Variants in CIC observed in about 807,000 individuals in gnomAD.
CIC encodes the protein capicua transcriptional repressor.
A neutral mutation model predicts 115.7 loss-of-function variants in CIC; 18 were observed. That is an observed-to-expected ratio of 0.16 (90% CI 0.11 to 0.23). The LOEUF is 0.23. Ranked by LOEUF, CIC falls within the 10% of genes least tolerant of loss-of-function variation. The pLI is 1.00. For missense variants in CIC, 2,000 were observed against 2,159.3 expected (o/e 0.93, Z 1.46); for synonymous variants, 1,076 against 923.0 (o/e 1.17, Z -3.01).
At chr19:42,283,240 A>T (rs530042226) in intron 2 of CIC, among the ~76,000 whole-genome samples, 1 of 151,886 alleles carries the variant, frequency 6.6e-6, no homozygotes, top group Non-Finnish European at 1.5e-5. Context: ...TGTGTAGTGG[A>T]CAAGCAGGGC....
rs774866237 is a variant in CIC, at chr19:42,290,882, C to A, written c.4841C>A (p.Ala1614Glu). ...GRAEASPNDT[A>E]GARTEMGTGS... ...GCTGAGGCGTCTCCAAATGACACAG[C>A]AGGTGCCAGGACTGAAATGGGCACT... is the stretch of plus-strand genomic sequence containing the variant. Residue 1614 changes from alanine (A) to glutamate (E), a missense_variant, in exon 11 of 21, where the codon GCA becomes GAA. Transcript: ENST00000681038. The A allele has an allele frequency of 6.2e-7, 1 of 1,613,210 alleles. No homozygotes were observed. Among genetic ancestry groups the A allele is most frequent in the Non-Finnish European group, 8.5e-7 (1 of 1,179,898 alleles).
rs754250317 is a variant in CIC at position 42,291,418 on chromosome 19, C to A, written c.5377C>A (p.Pro1793Thr). The change falls in exon 11 of 21, where the codon CCT becomes ACT. Residue 1793 changes from proline to threonine, a missense_variant. This residue lies in a region of CIC where 1,466 missense variants were observed against 1,390.4 expected (regional missense o/e 1.05). Coordinates refer to ENST00000681038, the MANE Select transcript of CIC (RefSeq NM_001386298.1). ...GKVLAATAPTPGIPILQSVPS... is the reference protein window; with the variant it reads ...GKVLAATAPTTGIPILQSVPS... ...AGTCCTGGCTGCCACTGCACCCACT[C>A]CTGGCATCCCCATCCTGCAGTCTGT... 7.4e-6 allele frequency: 12 copies of A among 1,612,992 alleles called. No homozygotes were observed. The highest frequency in any genetic ancestry group is 1.0e-5 in the Non-Finnish European group (12 of 1,179,980).
At chr19:42,281,099 C>T (rs1232644516) in intron 2 of CIC, among the ~76,000 whole-genome samples, 3 of 151,374 alleles carry the variant, frequency 2.0e-5, no homozygotes, top group Admixed American at 6.6e-5. Context: ...TGGGCTCGTT[C>T]CCCAGGCAAC....
At chr19:42,293,409 C>A in intron 16 of CIC, 128 bp downstream of exon 16, 1 of 1,342,414 alleles carries the variant, frequency 7.4e-7, no homozygotes, top group Non-Finnish European at 1.0e-6. Context: ...TCCCCTCTGT[C>A]CCTTCTGCCT....
chr19:42,288,865 T>C lies in CIC; in HGVS notation c.3659-23T>C, dbSNP rs780758433. 3.7e-6 allele frequency: 6 copies of C among 1,610,180 alleles called. No homozygotes were observed. The South Asian group carries it at 4.4e-5, about 12-fold the overall frequency. ...CTGGTGACAGGCTTACTGACTGTCATAGCGCCACTCTCTACTTTACAGTGT... is the reference window on the plus strand; with the variant it reads ...CTGGTGACAGGCTTACTGACTGTCACAGCGCCACTCTCTACTTTACAGTGT... On this transcript the variant is annotated intron_variant, in intron 7 of 20. Transcript: ENST00000681038.
chr19:42,293,648 G>T lies in CIC; in HGVS notation c.6579G>T (p.Glu2193Asp). 1 of 1,613,168 alleles carries T rather than the reference G, an allele frequency of 6.2e-7. No individual in the cohort carries two copies. The highest frequency in any genetic ancestry group is 8.5e-7 in the Non-Finnish European group (1 of 1,179,870). ...SDWRVPGQGLENRGEPPTPPS... is the reference protein window; with the variant it reads ...SDWRVPGQGLDNRGEPPTPPS... Reference sequence around the variant, plus strand: ...GGCGCGTCCCTGGGCAGGGCCTGGAGAATCGTGGGGAGCCTCCCACTCCTC... The same window carrying T: ...GGCGCGTCCCTGGGCAGGGCCTGGATAATCGTGGGGAGCCTCCCACTCCTC... The change falls in exon 17 of 21, where the codon GAG (glutamate) becomes GAT (aspartate). Residue 2193 changes from glutamate to aspartate, a missense_variant. Coordinates refer to ENST00000681038, the MANE Select transcript of CIC (RefSeq NM_001386298.1).
rs2147318327 is a variant in CIC, at chr19:42,293,025, T to G, written c.6266T>G (p.Val2089Gly). Residue 2089 changes from valine (V) to glycine (G), a missense_variant, in exon 16 of 21, where the codon GTG becomes GGG. Val to Gly is a moderately radical substitution (Grantham distance 109, BLOSUM62 -3). Around this residue, in one of 8 missense-constraint regions of CIC, gnomAD observed 1,466 missense variants for 1,390.4 expected, o/e 1.05. Coordinates refer to ENST00000681038, the MANE Select transcript of CIC (RefSeq NM_001386298.1). The stretch of plus-strand genomic sequence containing the variant: ...CCCAGCCCGAAGGCCCCCCAGAAAG[T>G]GAAGGCAGCCATCGCCAGCATTCCC... ...QRPSPKAPQK[V>G]KAAIASIPVG... 1 of 1,613,182 alleles carries G rather than the reference T, an allele frequency of 6.2e-7. No homozygotes were observed. Among genetic ancestry groups the G allele is most frequent in the Non-Finnish European group, 8.5e-7 (1 of 1,179,914 alleles).
chr19:42,284,082 T>C (rs952994220), intron 2 of CIC: 2 of 142,886 alleles, frequency 1.4e-5, no homozygotes, highest in Non-Finnish European at 3.1e-5. Flanking sequence ...GCGGTGGTGG[T>C]TCGGCGCGGG....
chr19:42,295,141 C>T lies in CIC; in HGVS notation c.7504C>T (p.Gln2502Ter). The change falls in exon 21 of 21, where the codon CAG becomes TAG. Residue 2502 changes from glutamine (Q) to a stop codon, truncating the protein, a stop_gained. Transcript: ENST00000681038. LOFTEE classifies it high-confidence loss of function. ...PGQPGWEGAP[Q>*]PSPPPPGPST... ...ACAGCCTGGCTGGGAGGGGGCTCCCCAGCCCTCCCCCCCACCCCCAGGTCC... is the reference window on the plus strand; with the variant it reads ...ACAGCCTGGCTGGGAGGGGGCTCCCTAGCCCTCCCCCCCACCCCCAGGTCC... 1 of 1,430,162 alleles carries T rather than the reference C, an allele frequency of 7.0e-7. No homozygotes were observed. Among genetic ancestry groups the T allele is most frequent in the Non-Finnish European group, 9.3e-7 (1 of 1,073,650 alleles). 88.6% of individuals were successfully genotyped at this position (1,430,162 alleles called of 1,614,324 possible).
chr19:42,273,002 G>C lies in CIC; in HGVS notation c.1219G>C (p.Ala407Pro). 1 of 399,010 alleles carries C rather than the reference G, an allele frequency of 2.5e-6. No homozygotes were observed. The highest frequency in any genetic ancestry group is 4.4e-6 in the Non-Finnish European group (1 of 226,336). The allele number at this position is 399,010 out of a possible 1,614,324, so 24.7% of individuals were successfully genotyped here. Reference protein sequence around the residue: ...CEEGEEKHPPALGTPALLPLP... With the variant: ...CEEGEEKHPPPLGTPALLPLP... ...GGAGGGCGAGGAGAAGCACCCTCCAGCCCTGGGTACCCCAGCCCTGCTCCC... is the reference window on the plus strand; with the variant it reads ...GGAGGGCGAGGAGAAGCACCCTCCACCCCTGGGTACCCCAGCCCTGCTCCC... Residue 407 changes from alanine (A) to proline (P), a missense_variant, in exon 2 of 21, where the codon GCC (alanine) becomes CCC (proline). Transcript: ENST00000681038.
intron 2 of CIC, chr19:42,284,545 TGGGGCGGCCGGAGG>T (rs1354848609): frequency 3.3e-5 from 4 of 122,588 alleles, no homozygotes; most frequent in Non-Finnish European, 4.0e-5. Context: ...GACCCCCGCG[TGGGGCGGCCGGAGG>T]GGGGCGGCGG....
At chr19:42,286,730 AG>A in intron 2 of CIC, 40 bp from the exon 3 acceptor site, 1 of 1,612,944 alleles carries the variant, frequency 6.2e-7, no homozygotes, top group Non-Finnish European at 8.5e-7. Flanking sequence ...GGTTGGGGCC[AG>A]GCTCTCCTGC....
rs2037984040 is a variant in CIC at position 42,290,304 on chromosome 19, T to C, written c.4263T>C (p.Pro1421=). Residue 1421 remains proline, a synonymous_variant, in exon 11 of 21, where the codon CCT becomes CCC. Transcript: ENST00000681038. Reference sequence around the variant, plus strand: ...CCCACTGCCGCCCCCCACTGGACCCTGAGCCCCCAGGGCCCCCGGATCCTC... The same window carrying C: ...CCCACTGCCGCCCCCCACTGGACCCCGAGCCCCCAGGGCCCCCGGATCCTC... ...SFTHCRPPLD[P]EPPGPPDPPV... 2 of 1,613,926 alleles carry C rather than the reference T, an allele frequency of 1.2e-6. No homozygotes were observed. The highest frequency in any genetic ancestry group is 2.7e-5 in the African/African-American group (2 of 74,886).
chr19:42,287,199 G>T lies in CIC; in HGVS notation c.3138G>T (p.Glu1046Asp), dbSNP rs774911655. The change falls in exon 4 of 21, where the codon GAG becomes GAT. Residue 1046 changes from glutamate to aspartate, a missense_variant. Glu to Asp is a conservative substitution (Grantham distance 45). Coordinates refer to ENST00000681038, the MANE Select transcript of CIC (RefSeq NM_001386298.1). The surrounding 1 kb of genome is among the most constrained non-coding windows in gnomAD (Gnocchi z 8.7). ...TEEEASGPPG[E>D]PRLDSETESD... ...AGGAGGCCTCCGGCCCCCCAGGAGA[G>T]CCCCGGCTGGACAGTGAGACAGAGA... 8.1e-6 allele frequency: 13 copies of T among 1,613,542 alleles called. No homozygotes were observed. Among genetic ancestry groups the T allele is most frequent in the Admixed American group, 1.7e-5 (1 of 59,988 alleles).
Position 42,287,452 on chromosome 19 carries a change from A to C in CIC, c.3309+3A>C, listed in dbSNP as rs1387294025. The C allele has an allele frequency of 3.7e-6, 6 of 1,612,996 alleles. No individual in the cohort carries two copies. Among genetic ancestry groups the C allele is most frequent in the Non-Finnish European group, 5.1e-6 (6 of 1,180,024 alleles). ...AGGATGGACGCAGCCCCAACAAGGT[A>C]CTTTATCCCTGCCTGTCCTGTGCTC... On this transcript the variant is annotated splice_donor_region_variant and intron_variant, in intron 5 of 20. Transcript: ENST00000681038. This position sits in a 1 kb window ranked among gnomAD's most constrained non-coding sequence, Gnocchi z 8.7.
intron 2 of CIC, among the ~76,000 whole-genome samples, chr19:42,286,305 C>T (rs1440186876): frequency 6.6e-6 from 1 of 152,204 alleles, no homozygotes; most frequent in South Asian, 2.1e-4. Flanking sequence ...GGCCGTATGC[C>T]TCAGGAAAGG....
Position 42,272,784 on chromosome 19 carries a change from C to G in CIC, c.1001C>G (p.Ser334Cys). Residue 334 changes from serine (S) to cysteine (C), a missense_variant, in exon 2 of 21, where the codon TCC (serine) becomes TGC (cysteine). Ser to Cys is a moderately radical substitution (Grantham distance 112). Around this residue, in one of 8 missense-constraint regions of CIC, gnomAD observed 222 missense variants for 247.7 expected, o/e 0.90. Coordinates refer to ENST00000681038, the MANE Select transcript of CIC (RefSeq NM_001386298.1). ...GAGGAGGCTGTGTGGGTGGCCCGCT[C>G]CAGCCTACGCCTGCTGCGCCCCCCC... ...EPEEAVWVAR[S>C]SLRLLRPPWE... The G allele has an allele frequency of 5.0e-6, 2 of 398,740 alleles. No homozygotes were observed. The highest frequency in any genetic ancestry group is 8.8e-6 in the Non-Finnish European group (2 of 226,170). 24.7% of individuals were successfully genotyped at this position (398,740 alleles called of 1,614,324 possible).
At chr19:42,294,535 G>A (rs2147348539) in intron 19 of CIC, 69 bp from the exon 20 acceptor site, 1 of 1,605,420 alleles carries the variant, frequency 6.2e-7, no homozygotes, top group Non-Finnish European at 8.5e-7. Flanking sequence ...GCTTGGGTGG[G>A]CACTCAGACG....
chr19:42,290,087 C>A, intron 10 of CIC, 136 bp downstream of exon 10: 1 of 1,417,448 alleles, frequency 7.1e-7, no homozygotes, highest in Non-Finnish European at 9.9e-7. Flanking sequence ...GGAGTTGGGT[C>A]ATAGTCAGGA....
Sources: gnomAD v4.1 joint callset for allele counts (sites outside exome capture counted in the v4.1 genomes callset) on GRCh38, gnomAD v4.1.1 for gene constraint, gnomAD v4.1.1 regional missense constraint, Gnocchi (gnomAD v3.1) non-coding constraint, MANE v1.5 for transcripts, NCBI Gene and HGNC (gene_info 2026-07-23, HGNC 2026-07-21) for gene names.